Variants in FCSK observed in about 807,000 individuals in gnomAD.
FCSK encodes fucose kinase.
In FCSK, 123 loss-of-function variants were observed where a neutral mutation model predicts 122.5. The ratio of observed to expected loss-of-function variants is 1.00; its 90% CI spans 0.87 to 1.17. FCSK has a LOEUF of 1.17. Among genes scored for constraint, FCSK ranks in the 50% most tolerant of loss-of-function variants. The pLI is 0.00. For missense variants in FCSK, 1,366 were observed against 1,450.4 expected (o/e 0.94, Z 0.95); for synonymous variants, 620 against 625.5 (o/e 0.99, Z 0.13).
intron 22 of FCSK, chr16:70,478,969 C>T (rs1000538567): frequency 3.7e-5 from 25 of 667,882 alleles, no homozygotes; most frequent in Non-Finnish European, 4.3e-5. Context: ...CCCTAGATGC[C>T]GACTATGCTG....
At position 70,466,692 on chromosome 16, in the gene FCSK, C is replaced by A; in HGVS notation, c.412-190C>A. ...AGCCTGGGTGACAGTGAGACCCTGT[C>A]GCAATAACAACAAATAAGTTAGTCT... On this transcript the variant is annotated intron_variant, in intron 5 of 23. Coordinates refer to ENST00000288078, the MANE Select transcript of FCSK (RefSeq NM_145059.3). 3.4e-6 allele frequency: 2 copies of A among 592,132 alleles called. 1 individual carries two copies. The highest frequency in any genetic ancestry group is 4.1e-5 in the South Asian group (2 of 48,696). The allele number at this position is 592,132 out of a possible 1,614,324, so 36.7% of individuals were successfully genotyped here.
At chr16:70,466,651 C>T (rs1301727182) in intron 5 of FCSK, 16 of 557,732 alleles carry the variant, frequency 2.9e-5, no homozygotes, top group East Asian at 1.2e-4. Flanking sequence ...GAGCTACGAT[C>T]GCACTACTGC....
rs191625686 is a variant in FCSK at position 70,476,957 on chromosome 16, A to G, written c.2641+1190A>G. 3.2e-4 allele frequency among the ~76,000 whole-genome samples: 48 copies of G among 152,314 alleles called. No homozygotes were observed. The East Asian group carries it at 5.6e-3, about 18-fold the overall frequency. ...GTCTCCTGGAGACAGACATTAATCAATAACTACTCAGGTGCATGTGTATTA... is the reference window on the plus strand; with the variant it reads ...GTCTCCTGGAGACAGACATTAATCAGTAACTACTCAGGTGCATGTGTATTA... On this transcript the variant is annotated intron_variant, in intron 20 of 23. Coordinates refer to ENST00000288078, the MANE Select transcript of FCSK (RefSeq NM_145059.3).
At chr16:70,478,839 T>G in intron 22 of FCSK, 189 bp downstream of exon 22, 1 of 706,416 alleles carries the variant, frequency 1.4e-6, no homozygotes, top group Non-Finnish European at 2.6e-6. Context: ...GACAAAATTT[T>G]CATCATGGGA....
At chr16:70,455,476 C>G (rs538832786) in intron 1 of FCSK, among the ~76,000 whole-genome samples, 1 of 146,066 alleles carries the variant, frequency 6.8e-6, no homozygotes, top group South Asian at 2.1e-4. Flanking sequence ...CAGAGCGAGA[C>G]TACGTCTCAA....
rs751552122 is a variant in FCSK at position 70,467,070 on chromosome 16, A to G, written c.484+116A>G. The G allele has an allele frequency of 3.1e-6, 3 of 960,068 alleles. No individual in the cohort carries two copies. In the Admixed American group the frequency reaches 5.8e-5, roughly 19 times the overall value. The allele number at this position is 960,068 out of a possible 1,614,324, so 59.5% of individuals were successfully genotyped here. Reference sequence around the variant, plus strand: ...CTGCCCCGCTGCCCTATTAGACGGGAAGCTGGAGGGTGTGGAGAATGAAGC... The same window carrying G: ...CTGCCCCGCTGCCCTATTAGACGGGGAGCTGGAGGGTGTGGAGAATGAAGC... On this transcript the variant is annotated intron_variant, in intron 6 of 23. Coordinates refer to ENST00000288078, the MANE Select transcript of FCSK (RefSeq NM_145059.3).
Position 70,469,473 on chromosome 16 carries a change from C to A in FCSK, c.955+150C>A. 1.7e-5 allele frequency: 11 copies of A among 631,754 alleles called. No individual in the cohort carries two copies. The South Asian group carries it at 1.8e-4, about 10-fold the overall frequency. The allele number at this position is 631,754 out of a possible 1,614,324, so 39.1% of individuals were successfully genotyped here. A position where few individuals can be genotyped will look rare whatever the true frequency, so the allele number is the denominator to read the frequency against. On this transcript the variant is annotated intron_variant, in intron 10 of 23. Transcript: ENST00000288078. ...TGTGCCAGAGCCCCCCACTGAGCTA[C>A]CTCCTTCCCCTTCTTGTCTTCCTTT...
chr16:70,474,213 G>A lies in FCSK; in HGVS notation c.1862G>A (p.Arg621His), dbSNP rs200371638. The A allele has an allele frequency of 2.0e-4, 326 of 1,591,856 alleles. 2 individuals are homozygous for A. The highest frequency in any genetic ancestry group is 1.8e-3 in the African/African-American group (137 of 74,594). The change falls in exon 16 of 24, where the codon CGT (arginine) becomes CAT (histidine). Residue 621 changes from arginine to histidine, a missense_variant. Physicochemically the swap from Arg to His is conservative, Grantham distance 29. Transcript: ENST00000288078. ...ADVLGCMAEG[R>H]GGLRSGPAAN... ...GTCCTGGGCTGCATGGCAGAGGGCC[G>A]TGGGGGCTTGCGGAGCGGGCCAGCT...
intron 1 of FCSK, among the ~76,000 whole-genome samples, chr16:70,456,640 C>G (rs1299189011): frequency 6.6e-6 from 1 of 152,198 alleles, no homozygotes; most frequent in African/African-American, 2.4e-5. Flanking sequence ...GTGCCACATA[C>G]TTTACATTGT....
rs201319740 is a variant in FCSK, at chr16:70,474,966, C to T, written c.2332C>T (p.Arg778Trp). 4.0e-5 allele frequency: 64 copies of T among 1,610,506 alleles called. No individual in the cohort carries two copies. The highest frequency in any genetic ancestry group is 4.7e-5 in the Non-Finnish European group (56 of 1,178,998). The change falls in exon 18 of 24, where the codon CGG becomes TGG. Residue 778 changes from arginine to tryptophan, a missense_variant. Coordinates refer to ENST00000288078, the MANE Select transcript of FCSK (RefSeq NM_145059.3). ...QDEMTVKIVC[R>W]CLADLRDYCQ... ...TGAGATGACTGTGAAGATAGTGTGC[C>T]GGTGCCTGGCTGACCTGCGGGACTA...
intron 23 of FCSK, 88 bp downstream of exon 23, chr16:70,479,491 A>G: frequency 6.8e-7 from 1 of 1,480,986 alleles, no homozygotes; most frequent in Non-Finnish European, 9.3e-7. Flanking sequence ...CTATATCTGT[A>G]AGTCCCCCTG....
At chr16:70,460,235 C>G (rs1467196541) in intron 1 of FCSK, among the ~76,000 whole-genome samples, 1 of 151,210 alleles carries the variant, frequency 6.6e-6, no homozygotes, top group Non-Finnish European at 1.5e-5. Flanking sequence ...CCTCAGCCTC[C>G]CGAGTAGCTG....
chr16:70,455,201 A>G (rs1216992725), intron 1 of FCSK, among the ~76,000 whole-genome samples: 1 of 152,230 alleles, frequency 6.6e-6, no homozygotes, highest in Non-Finnish European at 1.5e-5. Flanking sequence ...CAAAAGGTTC[A>G]TATGAAGAGT....
Position 70,469,247 on chromosome 16 carries a change from T to A in FCSK, c.879T>A (p.Asp293Glu). Residue 293 changes from aspartate to glutamate, a missense_variant, in exon 10 of 24, where the codon GAT becomes GAA. Transcript: ENST00000288078. Reference sequence around the variant, plus strand: ...GGCCCCCAGAGTTGGGGCAAGGCGATGCAGATGTAGCGGGTTATCTGCAGA... The same window carrying A: ...GGCCCCCAGAGTTGGGGCAAGGCGAAGCAGATGTAGCGGGTTATCTGCAGA... Reference protein sequence around the residue: ...VGRPPELGQGDADVAGYLQSA... With the variant: ...VGRPPELGQGEADVAGYLQSA... The A allele has an allele frequency of 6.2e-7, 1 of 1,613,948 alleles. No individual in the cohort carries two copies. The highest frequency in any genetic ancestry group is 8.5e-7 in the Non-Finnish European group (1 of 1,180,000).
At chr16:70,456,087 G>A (rs553879598) in intron 1 of FCSK, among the ~76,000 whole-genome samples, 65 of 152,268 alleles carry the variant, frequency 4.3e-4, no homozygotes, top group Non-Finnish European at 7.1e-4. Context: ...TGGGAGGATC[G>A]CTGGAGCCCG....
intron 4 of FCSK, 109 bp from the exon 5 acceptor site, chr16:70,466,023 A>G: frequency 8.9e-7 from 1 of 1,128,940 alleles, no homozygotes; most frequent in Non-Finnish European, 1.3e-6. Flanking sequence ...AAATATCAAG[A>G]GAACATTTTT....
chr16:70,465,260 C>A, intron 4 of FCSK, 84 bp downstream of exon 4: 3 of 1,316,708 alleles, frequency 2.3e-6, no homozygotes, highest in South Asian at 1.4e-5. Context: ...GGTGTTCTGC[C>A]ACTGTGTGTG....
intron 16 of FCSK, 49 bp from the exon 17 acceptor site, chr16:70,474,479 C>T (rs1461116608): frequency 1.3e-6 from 2 of 1,546,200 alleles, no homozygotes; most frequent in Non-Finnish European, 8.7e-7. Context: ...AGGCAATCTG[C>T]CCCCAGCTTG....
chr16:70,466,566 A>G (rs994434222), intron 5 of FCSK: 3 of 494,674 alleles, frequency 6.1e-6, no homozygotes. Flanking sequence ...GCATGATGGC[A>G]TGCACTTGTA....
Sources: gnomAD v4.1 joint callset for allele counts (sites outside exome capture counted in the v4.1 genomes callset) on GRCh38, gnomAD v4.1.1 for gene constraint, MANE v1.5 for transcripts, NCBI Gene and HGNC (gene_info 2026-07-23, HGNC 2026-07-21) for gene names.